The following WWC2 variants were observed in gnomAD, a reference collection of about 807,000 sequenced individuals.
WWC2 encodes protein WWC2.
In WWC2, 101 loss-of-function variants were observed where a neutral mutation model predicts 138.5. The ratio of observed to expected loss-of-function variants is 0.73; its 90% CI spans 0.62 to 0.86. The LOEUF (loss-of-function observed/expected upper bound fraction) is 0.86, where lower values mean the gene tolerates loss of function less well. Among genes scored for constraint, WWC2 ranks in the 40% least tolerant of loss-of-function variants. WWC2 has a pLI of 0.00. For synonymous variants in WWC2, 558 were observed against 538.4 expected (o/e 1.04, Z -0.50); for missense variants, 1,420 against 1,419.4 (o/e 1.00, Z -0.01).
chr4:183,198,468 A>G (rs1464924653), intron 2 of WWC2, among the ~76,000 whole-genome samples: 1 of 152,092 alleles, frequency 6.6e-6, no homozygotes, highest in East Asian at 1.9e-4. Context: ...TCTGACCTCA[A>G]GGAATCTCCC....
At chr4:183,203,912 G>A (rs1392978205) in intron 2 of WWC2, among the ~76,000 whole-genome samples, 1 of 152,178 alleles carries the variant, frequency 6.6e-6, no homozygotes, top group Non-Finnish European at 1.5e-5. Flanking sequence ...GAGGGTATGA[G>A]TAGTACAGTC....
intron 2 of WWC2, among the ~76,000 whole-genome samples, chr4:183,202,662 T>A (rs1735334489): frequency 6.6e-6 from 1 of 152,156 alleles, no homozygotes; most frequent in African/African-American, 2.4e-5. Flanking sequence ...GTTGCTGCCA[T>A]GTGCACAGAT....
intron 22 of WWC2, 24 bp from the exon 23 acceptor site, chr4:183,315,639 A>G: frequency 1.2e-6 from 2 of 1,600,572 alleles, no homozygotes; most frequent in Non-Finnish European, 1.7e-6. Flanking sequence ...ATATAAGTCA[A>G]TTTATTTCTC....
At chr4:183,260,882 T>G in intron 10 of WWC2, 28 bp from the exon 11 acceptor site, 2 of 1,609,054 alleles carry the variant, frequency 1.2e-6, no homozygotes, top group Non-Finnish European at 1.7e-6. Flanking sequence ...TGTAACAGAT[T>G]TTATGGTGTG....
chr4:183,201,746 T>C (rs946045205), intron 2 of WWC2, among the ~76,000 whole-genome samples: 1 of 152,218 alleles, frequency 6.6e-6, no homozygotes, highest in Non-Finnish European at 1.5e-5. Flanking sequence ...CAGGCAAAGC[T>C]TTTTGAAGAC....
At chr4:183,220,614 C>T (rs1408582824) in intron 4 of WWC2, among the ~76,000 whole-genome samples, 1 of 150,958 alleles carries the variant, frequency 6.6e-6, no homozygotes, top group African/African-American at 2.4e-5. Context: ...GTGGGCAGAT[C>T]ACAAGGTCAG....
At chr4:183,253,270 G>A (rs566198377) in intron 8 of WWC2, among the ~76,000 whole-genome samples, 3 of 152,186 alleles carry the variant, frequency 2.0e-5, no homozygotes, top group Admixed American at 2.0e-4. Context: ...TGTCCAGCCT[G>A]CCCTGGGGTT....
chr4:183,202,895 T>C (rs34124188), intron 2 of WWC2, among the ~76,000 whole-genome samples: 41,594 of 152,192 alleles, frequency 0.27, 6,853 homozygotes, highest in Middle Eastern at 0.46. Context: ...GACAGTGTTA[T>C]AGCTTACTAG....
Position 183,184,112 on chromosome 4 carries a change from A to T in WWC2, c.132-9487A>T, listed in dbSNP as rs189527072. On this transcript the variant is annotated intron_variant, in intron 1 of 22. Coordinates refer to ENST00000403733, the MANE Select transcript of WWC2 (RefSeq NM_024949.6). ...TTTCAGAACATTGTCATCCTCCTCC[A>T]AGGTACCCACTGAGCAGTTTCTATT... Among the ~76,000 whole-genome samples, 23 of 152,298 alleles carry T rather than the reference A, an allele frequency of 1.5e-4. No individual in the cohort carries two copies. The East Asian group carries it at 3.9e-3, about 26-fold the overall frequency.
Position 183,265,732 on chromosome 4 carries a change from C to T in WWC2, c.2084C>T (p.Ala695Val), listed in dbSNP as rs1247629569. The change falls in exon 13 of 23, where the codon GCC (alanine) becomes GTC (valine). Residue 695 changes from alanine (A) to valine (V), a missense_variant. Ala to Val is a moderately conservative substitution (Grantham distance 64, BLOSUM62 0). Transcript: ENST00000403733. Reference sequence around the variant, plus strand: ...GTCACATACAGTGAAGAGGATGTAGCCATTGTAGAGACCGCCCAGGTTCAG... The same window carrying T: ...GTCACATACAGTGAAGAGGATGTAGTCATTGTAGAGACCGCCCAGGTTCAG... The part of the protein sequence containing the change: ...EDVTYSEEDV[A>V]IVETAQVQIG... 1 of 1,611,888 alleles carries T rather than the reference C, an allele frequency of 6.2e-7. No individual in the cohort carries two copies. Among genetic ancestry groups the T allele is most frequent in the Non-Finnish European group, 8.5e-7 (1 of 1,179,088 alleles).
intron 5 of WWC2, among the ~76,000 whole-genome samples, chr4:183,243,737 C>CTGTGTG (rs56654737): frequency 0.012 from 1,606 of 129,942 alleles, 14 homozygotes; most frequent in Middle Eastern, 0.015. Context: ...ATTCTAAACA[C>CTGTGTG]TGTGTGTGTG....
Position 183,260,984 on chromosome 4 carries a change from A to G in WWC2, c.1361A>G (p.Asn454Ser). The G allele has an allele frequency of 1.2e-6, 2 of 1,613,940 alleles. No individual in the cohort carries two copies. Among genetic ancestry groups the G allele is most frequent in the Non-Finnish European group, 1.7e-6 (2 of 1,179,858 alleles). ...GSLASSRGSL[N>S]TSSRGSLNSL... The stretch of plus-strand genomic sequence containing the variant: ...CTGGCATCGAGTCGGGGCTCTCTGA[A>G]CACCTCCAGCAGAGGGTCACTCAAC... The change falls in exon 11 of 23, where the codon AAC (asparagine) becomes AGC (serine). Residue 454 changes from asparagine to serine, a missense_variant. Coordinates refer to ENST00000403733, the MANE Select transcript of WWC2 (RefSeq NM_024949.6).
chr4:183,253,355 A>C (rs761090198), intron 8 of WWC2, among the ~76,000 whole-genome samples: 2 of 152,020 alleles, frequency 1.3e-5, no homozygotes, highest in African/African-American at 4.8e-5. Context: ...GACATCATTC[A>C]CCTCAGTTTT....
At position 183,116,497 on chromosome 4, in the gene WWC2, A is replaced by C. The variant is rs1050025968; in HGVS notation, c.131+16875A>C. Among the ~76,000 whole-genome samples, 2 of 152,244 alleles carry C rather than the reference A, an allele frequency of 1.3e-5. 1 individual carries two copies. The highest frequency in any genetic ancestry group is 1.3e-4 in the Admixed American group (2 of 15,290). ...ACTTGTCTAAGGGCACAAAGCTGTT[A>C]AGTGGTGGCAGAACTCAAGCGTGTC... On this transcript the variant is annotated intron_variant, in intron 1 of 22. Coordinates refer to ENST00000403733, the MANE Select transcript of WWC2 (RefSeq NM_024949.6).
At chr4:183,206,027 C>T (rs1379755801) in intron 2 of WWC2, among the ~76,000 whole-genome samples, 2 of 152,072 alleles carry the variant, frequency 1.3e-5, no homozygotes, top group Non-Finnish European at 2.9e-5. Context: ...TCATGGCTTC[C>T]GTGAAATCTG....
At chr4:183,108,164 T>C (rs575251688) in intron 1 of WWC2, among the ~76,000 whole-genome samples, 1 of 152,164 alleles carries the variant, frequency 6.6e-6, no homozygotes, top group African/African-American at 2.4e-5. Flanking sequence ...GCTCGTTATA[T>C]ATGTGAAGAA....
intron 17 of WWC2, among the ~76,000 whole-genome samples, chr4:183,281,548 AGTT>A: frequency 6.6e-6 from 1 of 152,244 alleles, no homozygotes; most frequent in Admixed American, 6.5e-5. Flanking sequence ...TTTAATATAT[AGTT>A]GTTTATACTG....
intron 21 of WWC2, among the ~76,000 whole-genome samples, chr4:183,305,728 T>C (rs937263015): frequency 6.6e-6 from 1 of 152,158 alleles, no homozygotes; most frequent in Non-Finnish European, 1.5e-5. Context: ...TTAAGGACAT[T>C]TGTGCTCAGT....
At chr4:183,127,138 C>T (rs1476130043) in intron 1 of WWC2, among the ~76,000 whole-genome samples, 1 of 151,988 alleles carries the variant, frequency 6.6e-6, no homozygotes, top group Non-Finnish European at 1.5e-5. Flanking sequence ...AGAGTTTGAC[C>T]TTGAGCATGT....
Sources: allele counts gnomAD v4.1 joint callset (sites outside exome capture counted in the v4.1 genomes callset), GRCh38; gene constraint gnomAD v4.1.1; transcripts MANE v1.5; gene names NCBI Gene and HGNC (gene_info 2026-07-23, HGNC 2026-07-21).